Variants in NKAIN2 observed in about 807,000 individuals in gnomAD.
NKAIN2 encodes sodium/potassium transporting ATPase interacting 2.
A neutral mutation model predicts 32.6 loss-of-function variants in NKAIN2; 14 were observed. That is an observed-to-expected ratio of 0.43 (90% CI 0.28 to 0.67). The LOEUF is 0.67. Ranked by LOEUF, NKAIN2 falls within the 30% of genes least tolerant of loss-of-function variation. The probability of loss-of-function intolerance (pLI) is 0.17; values close to 1 mark genes in which losing one functional copy is unlikely to be tolerated. For missense variants in NKAIN2, 198 were observed against 258.3 expected (o/e 0.77, Z 1.60); for synonymous variants, 80 against 87.2 (o/e 0.92, Z 0.46).
intron 2 of NKAIN2, among the ~76,000 whole-genome samples, chr6:124,295,137 AG>A (rs1795994626): frequency 6.6e-6 from 1 of 152,122 alleles, no homozygotes; most frequent in South Asian, 2.1e-4. Context: ...TTGTTTTGAA[AG>A]GTTAGTGTTT....
chr6:123,815,222 T>TA (rs538962381), intron 1 of NKAIN2, among the ~76,000 whole-genome samples: 13 of 152,326 alleles, frequency 8.5e-5, no homozygotes, highest in Admixed American at 8.5e-4. Context: ...CCATATTACT[T>TA]ACTTACTTAT....
chr6:124,144,565 G>A (rs1199510419), intron 1 of NKAIN2, among the ~76,000 whole-genome samples: 1 of 151,884 alleles, frequency 6.6e-6, no homozygotes, highest in Non-Finnish European at 1.5e-5. Flanking sequence ...AATGGTGCTG[G>A]AACATCCACA....
intron 4 of NKAIN2, among the ~76,000 whole-genome samples, chr6:124,690,282 C>A (rs1479500902): frequency 6.6e-6 from 1 of 152,078 alleles, no homozygotes; most frequent in Non-Finnish European, 1.5e-5. Context: ...CAATTGACTT[C>A]TGTTTATTAA....
At chr6:124,725,068 C>A (rs1400316234) in intron 4 of NKAIN2, among the ~76,000 whole-genome samples, 1 of 152,138 alleles carries the variant, frequency 6.6e-6, no homozygotes, top group African/African-American at 2.4e-5. Context: ...CCCTTTCTTC[C>A]TTCTTCAACT....
At chr6:123,813,160 G>GC (rs1247067278) in intron 1 of NKAIN2, among the ~76,000 whole-genome samples, 1 of 152,232 alleles carries the variant, frequency 6.6e-6, no homozygotes. Flanking sequence ...ACCTCTGCAA[G>GC]CCACAATGAG....
intron 1 of NKAIN2, among the ~76,000 whole-genome samples, chr6:123,860,193 A>G (rs1341251346): frequency 2.0e-5 from 3 of 152,188 alleles, no homozygotes; most frequent in African/African-American, 7.2e-5. Context: ...ACCAAACATC[A>G]GCAGAGCATT....
chr6:124,701,620 G>C (rs1464830110), intron 4 of NKAIN2, among the ~76,000 whole-genome samples: 1 of 151,922 alleles, frequency 6.6e-6, no homozygotes, highest in Non-Finnish European at 1.5e-5. Flanking sequence ...TGTTTCTCAG[G>C]AGAAAAAGAA....
intron 3 of NKAIN2, among the ~76,000 whole-genome samples, chr6:124,491,135 G>A (rs1777847358): frequency 6.6e-6 from 1 of 151,614 alleles, no homozygotes; most frequent in Non-Finnish European, 1.5e-5. Context: ...TATATGCCAA[G>A]CACTTGCTAA....
chr6:124,090,421 A>G (rs1784364744), intron 1 of NKAIN2, among the ~76,000 whole-genome samples: 1 of 151,990 alleles, frequency 6.6e-6, no homozygotes, highest in Non-Finnish European at 1.5e-5. Flanking sequence ...TTTTGGTATA[A>G]TAGGATAATG....
chr6:124,474,139 A>G (rs905226266), intron 3 of NKAIN2, among the ~76,000 whole-genome samples: 3 of 151,680 alleles, frequency 2.0e-5, no homozygotes, highest in Non-Finnish European at 4.4e-5. Context: ...TTCTCGCTCT[A>G]TCGCCCAGGC....
chr6:123,996,821 CA>C (rs1157563406), intron 1 of NKAIN2, among the ~76,000 whole-genome samples: 1 of 152,070 alleles, frequency 6.6e-6, no homozygotes, highest in African/African-American at 2.4e-5. Flanking sequence ...CTCTAAGGGA[CA>C]CTTTGAATTT....
At position 124,737,231 on chromosome 6, in the gene NKAIN2, G is replaced by C. The variant is rs116355572; in HGVS notation, c.475-54108G>C. ...CCATGTGTCATGGGAAGGATGCGGC[G>C]GGAGCTAATTGAATCACAGGGATGG... On this transcript the variant is annotated intron_variant, in intron 4 of 6. Coordinates refer to ENST00000368417, the MANE Select transcript of NKAIN2 (RefSeq NM_001040214.3). Among the ~76,000 whole-genome samples, 673 of 151,930 alleles carry C rather than the reference G, an allele frequency of 4.4e-3. 4 individuals are homozygous for C. Among genetic ancestry groups the C allele is most frequent in the African/African-American group, 0.015 (639 of 41,486 alleles).
intron 3 of NKAIN2, among the ~76,000 whole-genome samples, chr6:124,529,594 C>T (rs1472124589): frequency 1.3e-5 from 2 of 152,124 alleles, no homozygotes; most frequent in Admixed American, 6.5e-5. Flanking sequence ...TTGGCCAGGT[C>T]GGATCACATG....
intron 3 of NKAIN2, among the ~76,000 whole-genome samples, chr6:124,576,426 T>C (rs1781337368): frequency 6.6e-6 from 1 of 152,216 alleles, no homozygotes; most frequent in Admixed American, 6.5e-5. Flanking sequence ...ACACTTGAAC[T>C]TCTAAGCAAA....
intron 1 of NKAIN2, among the ~76,000 whole-genome samples, chr6:124,128,760 A>G (rs944836724): frequency 2.0e-5 from 3 of 152,116 alleles, no homozygotes; most frequent in Non-Finnish European, 2.9e-5. Flanking sequence ...TGTTATTACT[A>G]TGTTCATTTA....
chr6:124,184,029 C>A (rs1789584137), intron 1 of NKAIN2, among the ~76,000 whole-genome samples: 1 of 152,126 alleles, frequency 6.6e-6, no homozygotes, highest in Admixed American at 6.5e-5. Flanking sequence ...AAGAGCTCAG[C>A]AGACAGTAAG....
intron 3 of NKAIN2, among the ~76,000 whole-genome samples, chr6:124,407,323 C>A (rs1773907960): frequency 6.6e-6 from 1 of 151,480 alleles, no homozygotes; most frequent in South Asian, 2.1e-4. Flanking sequence ...TTAGGTATAT[C>A]TCCTAATGCT....
At chr6:124,701,533 C>G (rs1229258188) in intron 4 of NKAIN2, among the ~76,000 whole-genome samples, 1 of 151,852 alleles carries the variant, frequency 6.6e-6, no homozygotes. Flanking sequence ...CTGAAAACAA[C>G]TAATTAAAGG....
chr6:123,856,850 T>C (rs981779586), intron 1 of NKAIN2, among the ~76,000 whole-genome samples: 1 of 152,162 alleles, frequency 6.6e-6, no homozygotes, highest in Non-Finnish European at 1.5e-5. Context: ...TACCTTCCTC[T>C]CCTAATTAAA....
Sources: gnomAD v4.1 joint callset for allele counts (sites outside exome capture counted in the v4.1 genomes callset) on GRCh38, gnomAD v4.1.1 for gene constraint, MANE v1.5 for transcripts, NCBI Gene and HGNC (gene_info 2026-07-23, HGNC 2026-07-21) for gene names.